Variants in MTR observed in about 807,000 individuals in gnomAD.
MTR encodes the protein methionine synthase.
In MTR, 84 loss-of-function variants were observed where a neutral mutation model predicts 154.8. That is an observed-to-expected ratio of 0.54 (90% CI 0.45 to 0.65). The LOEUF is 0.65. MTR is among the 30% of genes least tolerant of loss of function. The probability of loss-of-function intolerance (pLI) is 0.00; values close to 1 mark genes in which losing one functional copy is unlikely to be tolerated. For missense variants in MTR, 1,275 were observed against 1,570.2 expected (o/e 0.81, Z 3.18); for synonymous variants, 554 against 553.9 (o/e 1.00, Z 0.00).
At chr1:236,841,428 C>T (rs1198990430) in intron 15 of MTR, among the ~76,000 whole-genome samples, 1 of 152,028 alleles carries the variant, frequency 6.6e-6, no homozygotes. Flanking sequence ...CAGATTGTCC[C>T]CTAGTTGTAT....
intron 18 of MTR, among the ~76,000 whole-genome samples, chr1:236,858,147 A>G (rs1334329120): frequency 6.6e-6 from 1 of 152,172 alleles, no homozygotes; most frequent in Admixed American, 6.5e-5. Flanking sequence ...TGATAAAGAC[A>G]TACCCGAGAC....
intron 8 of MTR, chr1:236,819,569 C>A: frequency 2.5e-6 from 1 of 392,524 alleles, no homozygotes; most frequent in South Asian, 2.2e-5. Context: ...CCTTTCCATG[C>A]TACTCACAGA....
intron 25 of MTR, among the ~76,000 whole-genome samples, chr1:236,883,099 A>G (rs1665838961): frequency 6.6e-6 from 1 of 152,190 alleles, no homozygotes; most frequent in African/African-American, 2.4e-5. Flanking sequence ...TTCTTTAATA[A>G]AAAACGAGGT....
At chr1:236,861,346 G>T in intron 20 of MTR, 69 bp downstream of exon 20, 1 of 1,603,930 alleles carries the variant, frequency 6.2e-7, no homozygotes, top group Non-Finnish European at 8.5e-7. Context: ...ATGGCGATTT[G>T]GGATATATTT....
chr1:236,804,234 A>G (rs1042685717), intron 2 of MTR, among the ~76,000 whole-genome samples: 3 of 152,164 alleles, frequency 2.0e-5, no homozygotes, highest in African/African-American at 2.4e-5. Context: ...TTGTGTCCCC[A>G]TGAGATTCAT....
intron 6 of MTR, among the ~76,000 whole-genome samples, chr1:236,814,579 C>T (rs1661483895): frequency 6.6e-6 from 1 of 152,104 alleles, no homozygotes; most frequent in African/African-American, 2.4e-5. Context: ...ATTAAACATC[C>T]TGTTATTTCA....
At chr1:236,834,356 T>A (rs1182598551) in intron 13 of MTR, among the ~76,000 whole-genome samples, 3 of 152,110 alleles carry the variant, frequency 2.0e-5, no homozygotes. Flanking sequence ...ATTTTTGTAT[T>A]TTTAGTAGAG....
chr1:236,874,939 C>T, intron 24 of MTR, 93 bp downstream of exon 24: 9 of 1,424,642 alleles, frequency 6.3e-6, no homozygotes, highest in Non-Finnish European at 8.8e-6. Flanking sequence ...TTGGATTTTC[C>T]CTTATGTTTA....
rs1338464813 is a variant in MTR, at chr1:236,852,501, T to C, written c.1696-20T>C. 6.3e-7 allele frequency: 1 copy of C among 1,581,776 alleles called. No individual in the cohort carries two copies. On this transcript the variant is annotated intron_variant, in intron 16 of 32. Coordinates refer to ENST00000366577, the MANE Select transcript of MTR (RefSeq NM_000254.3). Reference sequence around the variant, plus strand: ...TTGGCAAAAAAGGGGAATCTTTTCATATTTTAAAATTTTTGCCAGGAAACA... The same window carrying C: ...TTGGCAAAAAAGGGGAATCTTTTCACATTTTAAAATTTTTGCCAGGAAACA...
chr1:236,902,711 A>G lies in MTR; in HGVS notation c.*5067A>G, dbSNP rs1037786577. On this transcript the variant is annotated 3_prime_UTR_variant, in exon 33 of 33. Coordinates refer to ENST00000366577, the MANE Select transcript of MTR (RefSeq NM_000254.3). ...GGAGCATGATGGTTTTCTCTCTCTC[A>G]GAAAGAAAGCGCTGTATCAAAGCCC... is the stretch of plus-strand genomic sequence containing the variant. 6.6e-6 allele frequency: 1 copy of G among 152,204 alleles called. No individual in the cohort carries two copies. Among genetic ancestry groups the G allele is most frequent in the Non-Finnish European group, 1.5e-5 (1 of 68,080 alleles). 9.4% of individuals were successfully genotyped at this position (152,204 alleles called of 1,614,324 possible).
At chr1:236,860,601 C>G (rs1316557802) in intron 19 of MTR, among the ~76,000 whole-genome samples, 1 of 152,042 alleles carries the variant, frequency 6.6e-6, no homozygotes, top group Non-Finnish European at 1.5e-5. Flanking sequence ...AGGGCCTCAT[C>G]CAGTGTCATT....
intron 18 of MTR, among the ~76,000 whole-genome samples, chr1:236,859,050 G>A (rs752054758): frequency 6.6e-6 from 1 of 152,120 alleles, no homozygotes; most frequent in Non-Finnish European, 1.5e-5. Context: ...TTATGACATG[G>A]CTGTCTTACT....
chr1:236,880,483 G>GTCA (rs1453055211), intron 24 of MTR, among the ~76,000 whole-genome samples: 2 of 152,194 alleles, frequency 1.3e-5, no homozygotes, highest in Non-Finnish European at 2.9e-5. Flanking sequence ...TGAGCACCAG[G>GTCA]TCATGCACGG....
intron 14 of MTR, 121 bp downstream of exon 14, chr1:236,835,808 G>A (rs2103150352): frequency 2.3e-6 from 3 of 1,324,436 alleles, no homozygotes; most frequent in Non-Finnish European, 3.3e-6. Flanking sequence ...TCTCAACATC[G>A]AAAACAGGGT....
intron 7 of MTR, 71 bp downstream of exon 7, chr1:236,815,734 G>A (rs925904916): frequency 4.0e-5 from 57 of 1,439,368 alleles, no homozygotes; most frequent in Admixed American, 3.5e-4. Context: ...TTTTTCCCCC[G>A]CTTTGCATAG....
chr1:236,859,729 A>G, intron 18 of MTR, 104 bp from the exon 19 acceptor site: 1 of 895,032 alleles, frequency 1.1e-6, no homozygotes, highest in Non-Finnish European at 1.9e-6. Context: ...GAAAAGTAAA[A>G]GAAGAATAAG....
At position 236,888,435 on chromosome 1, in the gene MTR, G is replaced by C. The variant is rs186587989; in HGVS notation, c.2852-746G>C. On this transcript the variant is annotated intron_variant, in intron 27 of 32. Coordinates refer to ENST00000366577, the MANE Select transcript of MTR (RefSeq NM_000254.3). ...TTATGATGTATTTTAGACTCACCAG[G>C]AGGTATAAAGAACAATATATTAAAC... Among the ~76,000 whole-genome samples the C allele has an allele frequency of 1.9e-3, 293 of 152,322 alleles. 5 individuals carry two copies. Among genetic ancestry groups the C allele is most frequent in the African/African-American group, 6.9e-3 (286 of 41,558 alleles).
intron 22 of MTR, among the ~76,000 whole-genome samples, chr1:236,869,514 T>G (rs1189849893): frequency 2.6e-5 from 4 of 152,212 alleles, no homozygotes; most frequent in African/African-American, 9.6e-5. Context: ...CTGAGCACTT[T>G]AAAACAAATA....
At position 236,887,167 on chromosome 1, in the gene MTR, T is replaced by C. The variant is rs539684942; in HGVS notation, c.2851+800T>C. Among the ~76,000 whole-genome samples, 13 of 152,330 alleles carry C rather than the reference T, an allele frequency of 8.5e-5. No homozygotes were observed. The East Asian group carries it at 1.5e-3, about 18-fold the overall frequency. ...TCCAAGGTAATGTATCAAATCAGCT[T>C]TCATTGCTCACGACATCTGTGTTCT... is the stretch of plus-strand genomic sequence containing the variant. On this transcript the variant is annotated intron_variant, in intron 27 of 32. Transcript: ENST00000366577.
Sources: gnomAD v4.1 joint callset for allele counts (sites outside exome capture counted in the v4.1 genomes callset) on GRCh38, gnomAD v4.1.1 for gene constraint, MANE v1.5 for transcripts, NCBI Gene and HGNC (gene_info 2026-07-23, HGNC 2026-07-21) for gene names.